The following NBPF15 variants were observed in gnomAD, a reference collection of about 807,000 sequenced individuals.
NBPF15 encodes NBPF family member NBPF15.
A neutral mutation model predicts 62.2 loss-of-function variants in NBPF15; 74 were observed. The ratio of observed to expected loss-of-function variants is 1.19; its 90% CI spans 0.99 to 1.44. The LOEUF (loss-of-function observed/expected upper bound fraction) is 1.44, where lower values mean the gene tolerates loss of function less well. Ranked by LOEUF, NBPF15 falls within the 40% of genes most tolerant of loss-of-function variation. The probability of loss-of-function intolerance (pLI) is 0.00; values close to 1 mark genes in which losing one functional copy is unlikely to be tolerated. For missense variants in NBPF15, 790 were observed against 550.0 expected (o/e 1.44, Z -4.36); for synonymous variants, 244 against 209.7 (o/e 1.16, Z -1.41).
intron 6 of NBPF15, among the ~76,000 whole-genome samples, chr1:144,441,877 T>C (rs1683130161): frequency 6.7e-6 from 1 of 149,450 alleles, no homozygotes. Context: ...ATTTCCCCAA[T>C]GAAGGGCATT....
At position 144,451,888 on chromosome 1, in the gene NBPF15, A is replaced by G. The variant is rs587755542; in HGVS notation, c.-431-1018T>C. On this transcript the variant is annotated intron_variant, in intron 4 of 21. Coordinates refer to ENST00000581897, the MANE Select transcript of NBPF15 (RefSeq NM_001385408.1). ...CACAGTTCAGGTCAGGCCGTGGCTC[A>G]TGTCTGTAATCCTAGCACTTTGAGA... is the stretch of plus-strand genomic sequence containing the variant. 5.9e-3 allele frequency among the ~76,000 whole-genome samples: 894 copies of G among 151,912 alleles called. 49 individuals carry two copies. Among genetic ancestry groups the G allele is most frequent in the Admixed American group, 0.054 (819 of 15,222 alleles).
At chr1:144,445,332 A>AATATATATATACATAT (rs1261424332) in intron 6 of NBPF15, among the ~76,000 whole-genome samples, 5 of 92,544 alleles carry the variant, frequency 5.4e-5, no homozygotes, top group African/African-American at 1.6e-4. Flanking sequence ...CAAAACGGTG[A>AATATATATATACATAT]ATATATATAT....
At chr1:144,458,693 G>A (rs532582) in intron 3 of NBPF15, among the ~76,000 whole-genome samples, 2,767 of 151,358 alleles carry the variant, frequency 0.018, 7 homozygotes, top group African/African-American at 0.064. Flanking sequence ...GAAGGAAAAG[G>A]ATAGTCTTTT....
Position 144,423,292 on chromosome 1 carries a change from G to A in NBPF15, c.1770-36C>T, listed in dbSNP as rs587610569. The A allele has an allele frequency of 3.5e-5, 56 of 1,611,298 alleles. 1 individual carries two copies. Among genetic ancestry groups the A allele is most frequent in the Middle Eastern group, 4.5e-4 (2 of 4,430 alleles). On this transcript the variant is annotated intron_variant, in intron 21 of 21. Transcript: ENST00000581897. ...AGACAAAACTAAAGAAGCAGCCAGG[G>A]AAAATCAGACACCACAGAGCCCCAC...
At chr1:144,424,168 G>A (rs1351301370) in intron 20 of NBPF15, among the ~76,000 whole-genome samples, 193 bp from the exon 21 acceptor site, 1 of 152,044 alleles carries the variant, frequency 6.6e-6, no homozygotes, top group Non-Finnish European at 1.5e-5. Flanking sequence ...GAAACTGTGG[G>A]TAAAGTGTCC....
At chr1:144,426,705 T>G (rs1165141980) in intron 17 of NBPF15, among the ~76,000 whole-genome samples, 3 of 151,272 alleles carry the variant, frequency 2.0e-5, no homozygotes, top group African/African-American at 7.3e-5. Context: ...GACACACTGA[T>G]GAAGGGGTCA....
intron 4 of NBPF15, among the ~76,000 whole-genome samples, chr1:144,454,962 A>C (rs1571165383): frequency 6.6e-6 from 1 of 151,660 alleles, no homozygotes; most frequent in East Asian, 1.9e-4. Flanking sequence ...TAAGTAATGT[A>C]GATTTCAGTG....
At chr1:144,440,399 C>A in intron 6 of NBPF15, 104 bp from the exon 7 acceptor site, 2 of 624,506 alleles carry the variant, frequency 3.2e-6, no homozygotes, top group Non-Finnish European at 5.5e-6. Flanking sequence ...ACCCTAGTCT[C>A]ACCTGAGGGT....
At chr1:144,439,044 C>G (rs1454784529) in intron 8 of NBPF15, among the ~76,000 whole-genome samples, 1 of 151,698 alleles carries the variant, frequency 6.6e-6, no homozygotes, top group East Asian at 1.9e-4. Context: ...AGTGCAATGG[C>G]AAAATCTTGG....
intron 14 of NBPF15, 48 bp from the exon 15 acceptor site, chr1:144,428,705 T>C: frequency 6.3e-6 from 5 of 793,952 alleles, no homozygotes; most frequent in South Asian, 5.3e-5. Context: ...AGTTCTTCCT[T>C]GCACACAGAA....
In NBPF15 at chr1:144,439,866, T is replaced by C; in HGVS notation, c.138A>G (p.Gln46=). ...GTCGGTTGGCCAGGAAGCCGGCCAG[T>C]TGAGTTAGAAAACATTTCTCTTTGA... ...RNLKEKCFLT[Q]LAGFLANRQK... The change falls in exon 8 of 22, where the codon CAA becomes CAG. Residue 46 remains glutamine (Q), a synonymous_variant. Transcript: ENST00000581897. 6.2e-7 allele frequency: 1 copy of C among 1,610,210 alleles called. No homozygotes were observed. Among genetic ancestry groups the C allele is most frequent in the Non-Finnish European group, 8.5e-7 (1 of 1,178,740 alleles).
rs1666649586 is a variant in NBPF15, at chr1:144,422,855, A to G, written c.*158T>C. 6.4e-7 allele frequency: 1 copy of G among 1,556,456 alleles called. No individual in the cohort carries two copies. Among genetic ancestry groups the G allele is most frequent in the Non-Finnish European group, 8.7e-7 (1 of 1,147,916 alleles). The stretch of plus-strand genomic sequence containing the variant: ...GGTCCATTGTCTTCAGATTGAGCAC[A>G]GGTTGCCAATGGCATGGTTTGAGAA... On this transcript the variant is annotated 3_prime_UTR_variant, in exon 22 of 22. Transcript: ENST00000581897.
At chr1:144,457,116 T>C (rs1249558757) in intron 3 of NBPF15, among the ~76,000 whole-genome samples, 4 of 151,926 alleles carry the variant, frequency 2.6e-5, no homozygotes, top group Non-Finnish European at 4.4e-5. Flanking sequence ...AATTAGAGGT[T>C]AGTGAGCTAT....
chr1:144,433,227 G>A (rs1482173738), intron 13 of NBPF15, among the ~76,000 whole-genome samples: 7 of 152,080 alleles, frequency 4.6e-5, no homozygotes, highest in African/African-American at 1.4e-4. Flanking sequence ...AATGAAGGCA[G>A]AAATAAAGAT....
intron 2 of NBPF15, 137 bp from the exon 3 acceptor site, chr1:144,459,620 A>T (rs1304342486): frequency 1.3e-5 from 2 of 151,962 alleles, no homozygotes; most frequent in African/African-American, 4.8e-5. Flanking sequence ...ACATAACCAG[A>T]AAAAAGTATT....
At chr1:144,432,473 G>C (rs1231577558) in intron 13 of NBPF15, among the ~76,000 whole-genome samples, 1 of 152,006 alleles carries the variant, frequency 6.6e-6, no homozygotes, top group African/African-American at 2.4e-5. Flanking sequence ...AACCTTAAAT[G>C]TAAATGGGCT....
Position 144,450,866 on chromosome 1 carries a change from C to G in NBPF15, c.-427G>C, listed in dbSNP as rs1170373963. 6.3e-6 allele frequency: 5 copies of G among 790,034 alleles called. No individual in the cohort carries two copies. The highest frequency in any genetic ancestry group is 7.7e-6 in the Non-Finnish European group (5 of 652,578). The allele number at this position is 790,034 out of a possible 1,614,324, so 48.9% of individuals were successfully genotyped here. On this transcript the variant is annotated 5_prime_UTR_variant, in exon 5 of 22. The change abolishes an upstream ATG in the 5' untranslated region. Transcript: ENST00000581897. ...AGTGTGGCTTTACTGTTATCAATCACATTTCTGAAAGAATAAAAATGGTTC... is the reference window on the plus strand; with the variant it reads ...AGTGTGGCTTTACTGTTATCAATCAGATTTCTGAAAGAATAAAAATGGTTC...
intron 6 of NBPF15, among the ~76,000 whole-genome samples, chr1:144,444,825 C>A (rs1315382320): frequency 6.6e-6 from 1 of 151,900 alleles, no homozygotes; most frequent in Non-Finnish European, 1.5e-5. Context: ...AATAGCAGCC[C>A]GCCCCTCAGG....
intron 6 of NBPF15, among the ~76,000 whole-genome samples, chr1:144,447,654 T>C (rs1322961040): frequency 2.0e-5 from 3 of 151,880 alleles, no homozygotes; most frequent in African/African-American, 2.4e-5. Context: ...TACTAGCTAA[T>C]AATGCCAGGT....
Sources: allele counts gnomAD v4.1 joint callset (sites outside exome capture counted in the v4.1 genomes callset), GRCh38; gene constraint gnomAD v4.1.1; transcripts MANE v1.5; gene names NCBI Gene and HGNC (gene_info 2026-07-23, HGNC 2026-07-21).